Variants in LRRC69 observed in about 807,000 individuals in gnomAD.
LRRC69 encodes the protein leucine-rich repeat-containing protein 69.
A neutral mutation model predicts 37.8 loss-of-function variants in LRRC69; 42 were observed. That is an observed-to-expected ratio of 1.11 (90% CI 0.87 to 1.44). The LOEUF (loss-of-function observed/expected upper bound fraction) is 1.44, where lower values mean the gene tolerates loss of function less well. Ranked by LOEUF, LRRC69 falls within the 40% of genes most tolerant of loss-of-function variation. LRRC69 has a pLI of 0.00. For missense variants in LRRC69, 357 were observed against 401.9 expected (o/e 0.89, Z 0.96); for synonymous variants, 141 against 143.1 (o/e 0.99, Z 0.11).
intron 1 of LRRC69, among the ~76,000 whole-genome samples, chr8:91,112,064 A>G (rs1465576366): frequency 6.6e-6 from 1 of 151,960 alleles, no homozygotes; most frequent in Non-Finnish European, 1.5e-5. Context: ...GAGAACCAAG[A>G]TATTGTTAGT....
At chr8:91,118,127 G>T in intron 1 of LRRC69, 1 of 454,740 alleles carries the variant, frequency 2.2e-6, no homozygotes, top group Non-Finnish European at 4.4e-6. Context: ...CAAGATAAAA[G>T]TGCTACCCAT....
chr8:91,213,802 G>A (rs1809982049), intron 7 of LRRC69, among the ~76,000 whole-genome samples: 1 of 152,108 alleles, frequency 6.6e-6, no homozygotes, highest in African/African-American at 2.4e-5. Context: ...TTTAGGAGAA[G>A]AGAATGGTAA....
chr8:91,185,812 A>G (rs1021427252), intron 5 of LRRC69, among the ~76,000 whole-genome samples: 1 of 151,946 alleles, frequency 6.6e-6, no homozygotes, highest in African/African-American at 2.4e-5. Context: ...AGTTCTCACT[A>G]AAGAGTAACG....
chr8:91,167,156 T>A (rs1047198156), intron 5 of LRRC69, among the ~76,000 whole-genome samples: 2 of 151,892 alleles, frequency 1.3e-5, no homozygotes, highest in Non-Finnish European at 2.9e-5. Flanking sequence ...TGTAGTAGTC[T>A]GTTGTTATGC....
intron 1 of LRRC69, among the ~76,000 whole-genome samples, chr8:91,111,521 G>A (rs1397616011): frequency 6.6e-6 from 1 of 151,942 alleles, no homozygotes; most frequent in Non-Finnish European, 1.5e-5. Flanking sequence ...GTGACAAAGT[G>A]AGACTCCATC....
intron 7 of LRRC69, among the ~76,000 whole-genome samples, chr8:91,207,863 A>G (rs1289869915): frequency 1.3e-5 from 2 of 152,212 alleles, no homozygotes; most frequent in African/African-American, 2.4e-5. Context: ...ATAACAAAGT[A>G]TCACAGACTG....
At chr8:91,198,723 T>C (rs1236786799) in intron 6 of LRRC69, among the ~76,000 whole-genome samples, 2 of 152,138 alleles carry the variant, frequency 1.3e-5, no homozygotes, top group Non-Finnish European at 2.9e-5. Context: ...CTTTGGTCTA[T>C]AAAAGATTTC....
At chr8:91,206,974 C>G (rs537500362) in intron 7 of LRRC69, 1 of 527,512 alleles carries the variant, frequency 1.9e-6, no homozygotes, top group South Asian at 2.6e-5. Context: ...TAGTTATTCC[C>G]CATTTACTTC....
rs193082498 is a variant in LRRC69 at position 91,119,782 on chromosome 8, C to T, written c.184-4711C>T. 2.1e-4 allele frequency among the ~76,000 whole-genome samples: 32 copies of T among 152,118 alleles called. No individual in the cohort carries two copies. The East Asian group carries it at 2.9e-3, about 14-fold the overall frequency. The stretch of plus-strand genomic sequence containing the variant: ...ACAGACATCATCCTTCAGGAACTCT[C>T]TCATCTTTTCATCACGAATTCATCT... On this transcript the variant is annotated intron_variant, in intron 1 of 7. Transcript: ENST00000448384.
chr8:91,123,898 T>A (rs1002702696), intron 1 of LRRC69, among the ~76,000 whole-genome samples: 1 of 151,908 alleles, frequency 6.6e-6, no homozygotes, highest in Non-Finnish European at 1.5e-5. Flanking sequence ...GTAGGACAGA[T>A]AACTGTAGGG....
chr8:91,107,679 T>C (rs982452676), intron 1 of LRRC69, among the ~76,000 whole-genome samples: 1 of 152,030 alleles, frequency 6.6e-6, no homozygotes, highest in Non-Finnish European at 1.5e-5. Flanking sequence ...AGGGGTTCTT[T>C]AGTAAAGAAC....
intron 1 of LRRC69, among the ~76,000 whole-genome samples, chr8:91,115,630 A>G (rs777901359): frequency 6.6e-6 from 1 of 151,960 alleles, no homozygotes; most frequent in Non-Finnish European, 1.5e-5. Flanking sequence ...TCCAGTCTAA[A>G]TGTTTCTTAA....
Sources: allele counts gnomAD v4.1 joint callset (sites outside exome capture counted in the v4.1 genomes callset), GRCh38; gene constraint gnomAD v4.1.1; transcripts MANE v1.5; gene names NCBI Gene and HGNC (gene_info 2026-07-23, HGNC 2026-07-21).